CNPPD1: variants seen among roughly 807,000 people sequenced by gnomAD.
CNPPD1 encodes the protein cyclin Pas1/PHO80 domain containing 1, also known as protein CNPPD1.
CNPPD1 carries 40 observed loss-of-function variants against 43.7 expected under a neutral mutation model. The observed-to-expected ratio is 0.92, with a 90% CI of 0.71 to 1.19. The LOEUF (loss-of-function observed/expected upper bound fraction) is 1.19, where lower values mean the gene tolerates loss of function less well. Among genes scored for constraint, CNPPD1 ranks in the 50% most tolerant of loss-of-function variants. CNPPD1 has a pLI of 0.00. For synonymous variants in CNPPD1, 208 were observed against 214.3 expected, an observed-to-expected ratio of 0.97 and a Z score of 0.26; for missense variants, 511 against 518.5, an observed-to-expected ratio of 0.99 and a Z score of 0.14.
intron 6 of CNPPD1, 31 bp downstream of exon 6, chr2:219,174,115 C>G: frequency 1.2e-6 from 2 of 1,610,362 alleles, no homozygotes; most frequent in East Asian, 2.2e-5. Flanking sequence ...CCAAATCCCT[C>G]GAGCCCTTCT....
At chr2:219,173,192 A>G (rs1574768827) in intron 7 of CNPPD1, 64 bp from the exon 8 acceptor site, 1 of 1,499,722 alleles carries the variant, frequency 6.7e-7, no homozygotes, top group Non-Finnish European at 9.0e-7. Context: ...TGTCTCTAGA[A>G]ATCTGTGTTC....
In CNPPD1 at chr2:219,176,209, C is replaced by A; in HGVS notation, c.178+14G>T. The A allele has an allele frequency of 6.3e-7, 1 of 1,592,272 alleles. No homozygotes were observed. The highest frequency in any genetic ancestry group is 1.1e-5 in the South Asian group (1 of 90,636). ...CATGCTTCTCACTTGTCCAGTCACA[C>A]AACACTGCCTAACCTGCCACCGGGC... On this transcript the variant is annotated intron_variant, in intron 2 of 7. Coordinates refer to ENST00000360507, the MANE Select transcript of CNPPD1 (RefSeq NM_015680.6).
chr2:219,176,588 A>G (rs1950166329), intron 1 of CNPPD1, among the ~76,000 whole-genome samples, 172 bp downstream of exon 1: 1 of 152,020 alleles, frequency 6.6e-6, no homozygotes, highest in African/African-American at 2.4e-5. Context: ...CCCTACGCCC[A>G]TTCCTATACT....
Position 219,172,944 on chromosome 2 carries a change from A to G in CNPPD1, c.875T>C (p.Leu292Pro), listed in dbSNP as rs1127102. ...IPSVPQCLPS[L>P]ANVSSCLEGS... ...TTCCAGGCAGCTGGAGACATTAGCG[A>G]GAGACGGCAGGCATTGTGGCACAGA... The change falls in exon 8 of 8, where the codon CTC becomes CCC. Residue 292 changes from leucine (L) to proline (P), a missense_variant. By Grantham distance (98) the Leu-to-Pro change is moderately conservative. Transcript: ENST00000360507. 919,470 of 1,613,522 alleles carry G rather than the reference A, an allele frequency of 0.57. 269,503 individuals are homozygous for G. Among genetic ancestry groups the G allele is most frequent in the Non-Finnish European group, 0.6 (712,467 of 1,179,800 alleles).
upstream of CNPPD1, chr2:219,176,978 C>A (rs1050296259): frequency 4.9e-5 from 31 of 631,214 alleles, no homozygotes; most frequent in Non-Finnish European, 7.5e-5. Flanking sequence ...GCTCCCTCCC[C>A]CCGGCGGCGG....
Position 219,176,844 on chromosome 2 carries a change from C to T in CNPPD1, c.-16G>A, listed in dbSNP as rs1350379599. The T allele has an allele frequency of 1.9e-6, 3 of 1,562,552 alleles. No individual in the cohort carries two copies. Among genetic ancestry groups the T allele is most frequent in the East Asian group, 2.4e-5 (1 of 41,786 alleles). On this transcript the variant is annotated 5_prime_UTR_variant, in exon 1 of 8. Transcript: ENST00000360507. ...TCAGGTCCATCGCGCCGCCAGTCGC[C>T]GCCCTGCGAAGGTGAACGGAAGGAA...
rs747373067 is a variant in CNPPD1 at position 219,174,837 on chromosome 2, C to A, written c.451G>T (p.Ala151Ser). 1 of 1,614,098 alleles carries A rather than the reference C, an allele frequency of 6.2e-7. No homozygotes were observed. Among genetic ancestry groups the A allele is most frequent in the South Asian group, 1.1e-5 (1 of 91,070 alleles). ...EEVFNDEWGA[A>S]GGVAVPTLNA... ...AGAGTGGGCACGGCCACACCCCCAG[C>A]AGCTCCCCATTCGTCGTTGAAGACC... The change falls in exon 5 of 8, where the codon GCT becomes TCT. Residue 151 changes from alanine (A) to serine (S), a missense_variant. By Grantham distance (99) the Ala-to-Ser change is moderately conservative. Coordinates refer to ENST00000360507, the MANE Select transcript of CNPPD1 (RefSeq NM_015680.6).
rs914963395 is a variant in CNPPD1 at position 219,172,029 on chromosome 2, G to A, written c.*557C>T. 6.3e-6 allele frequency: 1 copy of A among 158,198 alleles called. No individual in the cohort carries two copies. Among genetic ancestry groups the A allele is most frequent in the East Asian group, 1.9e-4 (1 of 5,232 alleles). The allele number at this position is 158,198 out of a possible 1,614,324, so 9.8% of individuals were successfully genotyped here. On this transcript the variant is annotated 3_prime_UTR_variant, in exon 8 of 8. Transcript: ENST00000360507. ...CAGAAGAGAGGGAAACCTAGGAGCAGGACACTAAGAGAAGACTGGAAGACA... is the reference window on the plus strand; with the variant it reads ...CAGAAGAGAGGGAAACCTAGGAGCAAGACACTAAGAGAAGACTGGAAGACA...
At chr2:219,175,997 C>T (rs1012860174) in intron 2 of CNPPD1, among the ~76,000 whole-genome samples, 6 of 152,180 alleles carry the variant, frequency 3.9e-5, no homozygotes, top group Admixed American at 6.5e-5. Context: ...ATTAGCTTTT[C>T]AATATATAAA....
chr2:219,172,204 C>T lies in CNPPD1; in HGVS notation c.*382G>A. Reference sequence around the variant, plus strand: ...TCTGCCTCAGGGACATCACACAGGCCCATGCCAACATTTCCTTTCTCCTCT... The same window carrying T: ...TCTGCCTCAGGGACATCACACAGGCTCATGCCAACATTTCCTTTCTCCTCT... On this transcript the variant is annotated 3_prime_UTR_variant, in exon 8 of 8. Transcript: ENST00000360507. The T allele has an allele frequency of 3.4e-6, 1 of 292,262 alleles. No individual in the cohort carries two copies. Among genetic ancestry groups the T allele is most frequent in the South Asian group, 3.4e-5 (1 of 29,216 alleles). The allele number at this position is 292,262 out of a possible 1,614,324, so 18.1% of individuals were successfully genotyped here. A position where few individuals can be genotyped will look rare whatever the true frequency, so the allele number is the denominator to read the frequency against.
At chr2:219,175,781 G>A in intron 2 of CNPPD1, 109 bp from the exon 3 acceptor site, 1 of 896,970 alleles carries the variant, frequency 1.1e-6, no homozygotes, top group Non-Finnish European at 1.8e-6. Context: ...AGGCCTTGGG[G>A]ACAGGACCAT....
chr2:219,176,067 A>C (rs1485117568), intron 2 of CNPPD1, among the ~76,000 whole-genome samples, 156 bp downstream of exon 2: 3 of 152,266 alleles, frequency 2.0e-5, no homozygotes, highest in Non-Finnish European at 4.4e-5. Context: ...TTGGGCTAAA[A>C]GAATGGGAAA....
rs1037356535 is a variant in CNPPD1, at chr2:219,176,852, G to C, written c.-24C>G. On this transcript the variant is annotated 5_prime_UTR_variant, in exon 1 of 8. Transcript: ENST00000360507. ...ATCGCGCCGCCAGTCGCCGCCCTGC[G>C]AAGGTGAACGGAAGGAAACGAGTTG... is the stretch of plus-strand genomic sequence containing the variant. 5 of 1,554,806 alleles carry C rather than the reference G, an allele frequency of 3.2e-6. No homozygotes were observed. Among genetic ancestry groups the C allele is most frequent in the Non-Finnish European group, 4.4e-6 (5 of 1,148,566 alleles).
Position 219,173,385 on chromosome 2 carries a change from A to T in CNPPD1, c.655T>A (p.Leu219Met), listed in dbSNP as rs754984268. Residue 219 changes from leucine (L) to methionine (M), a missense_variant, in exon 7 of 8, where the codon TTG (leucine) becomes ATG (methionine). Transcript: ENST00000360507. ...CVLLEQPTWQLALGSLCQRLV... is the reference protein window; with the variant it reads ...CVLLEQPTWQMALGSLCQRLV... ...CGCTGGCAGAGGGAGCCCAGGGCCA[A>T]CTGCCAGGTCGGCTGCTCCAGCAGC... 1 of 1,613,640 alleles carries T rather than the reference A, an allele frequency of 6.2e-7. No individual in the cohort carries two copies. Among genetic ancestry groups the T allele is most frequent in the Admixed American group, 1.7e-5 (1 of 60,018 alleles).
upstream of CNPPD1, chr2:219,177,064 G>A (rs1034553535): frequency 4.5e-6 from 2 of 443,220 alleles, no homozygotes; most frequent in African/African-American, 4.1e-5. Context: ...GGGGCCCTAG[G>A]CCCGGGAAGG....
At position 219,174,145 on chromosome 2, in the gene CNPPD1, C is replaced by T. The variant is rs1950120669; in HGVS notation, c.572+1G>A. 1.2e-6 allele frequency: 2 copies of T among 1,614,020 alleles called. No homozygotes were observed. The highest frequency in any genetic ancestry group is 1.7e-6 in the Non-Finnish European group (2 of 1,180,012). On this transcript the variant is annotated splice_donor_variant, in intron 6 of 7. Coordinates refer to ENST00000360507, the MANE Select transcript of CNPPD1 (RefSeq NM_015680.6). LOFTEE classifies it high-confidence loss of function. ...CCTTCTTCCCAACTCCTAGAACCTA[C>T]CAGCTCTCCAACCAGCTCAGCACCT...
chr2:219,176,388 C>T, intron 1 of CNPPD1, 57 bp from the exon 2 acceptor site: 1 of 1,339,098 alleles, frequency 7.5e-7, no homozygotes. Flanking sequence ...TGATGCAGAT[C>T]CTGGCTCTGG....
intron 1 of CNPPD1, 120 bp from the exon 2 acceptor site, chr2:219,176,451 CTTACCCAGACCCGCGTTCTGT>C (rs1438001158): frequency 1.3e-6 from 1 of 753,462 alleles, no homozygotes; most frequent in African/African-American, 1.7e-5. Flanking sequence ...GGGCCCGTGC[CTTACCCAGACCCGCGTTCTGT>C]AAATCGCTTG....
chr2:219,174,317 G>T, intron 5 of CNPPD1, 110 bp from the exon 6 acceptor site: 1 of 1,068,600 alleles, frequency 9.4e-7, no homozygotes, highest in Non-Finnish European at 1.5e-6. Context: ...TGCATATTTG[G>T]CACTTACCAT....
Sources: gnomAD v4.1 joint callset for allele counts (sites outside exome capture counted in the v4.1 genomes callset) on GRCh38, gnomAD v4.1.1 for gene constraint, MANE v1.5 for transcripts, NCBI Gene and HGNC (gene_info 2026-07-23, HGNC 2026-07-21) for gene names.